Variants in RNF13 observed in about 807,000 individuals in gnomAD.
RNF13 encodes E3 ubiquitin-protein ligase RNF13.
RNF13 carries 19 observed loss-of-function variants against 37.7 expected under a neutral mutation model. That is an observed-to-expected ratio of 0.50 (90% CI 0.35 to 0.74). RNF13 has a LOEUF of 0.74. RNF13 is among the 30% of genes least tolerant of loss of function. RNF13 has a pLI of 0.01. For synonymous variants in RNF13, 144 were observed against 157.8 expected (o/e 0.91, Z 0.65); for missense variants, 375 against 453.0 (o/e 0.83, Z 1.56).
Position 149,835,734 on chromosome 3 carries a change from G to C in RNF13, c.-16-10277G>C, listed in dbSNP as rs978349410. Among the ~76,000 whole-genome samples the C allele has an allele frequency of 1.1e-4, 17 of 151,288 alleles. 1 individual carries two copies. Among genetic ancestry groups the C allele is most frequent in the African/African-American group, 4.1e-4 (17 of 41,082 alleles). On this transcript the variant is annotated intron_variant, in intron 1 of 9. Coordinates refer to ENST00000392894, the MANE Select transcript of RNF13 (RefSeq NM_183381.3). ...CCAGTAGTTGATTGATGGGCATTTG[G>C]GCTGGTTCCATATTTTTGCAATTGT...
chr3:149,861,001 GA>G (rs1724197175), intron 3 of RNF13, among the ~76,000 whole-genome samples: 1 of 151,866 alleles, frequency 6.6e-6, no homozygotes, highest in South Asian at 2.1e-4. Context: ...ACGGGCATAT[GA>G]AAAAAATGTT....
intron 1 of RNF13, among the ~76,000 whole-genome samples, chr3:149,832,042 T>A (rs921630985): frequency 3.3e-5 from 5 of 152,196 alleles, no homozygotes; most frequent in African/African-American, 4.8e-5. Context: ...TGTTCGCTGA[T>A]TTTTTTCTGT....
At position 149,961,241 on chromosome 3, in the gene RNF13, C is replaced by T. The variant is rs1355439192; in HGVS notation, c.*137C>T. 2.1e-5 allele frequency: 16 copies of T among 774,038 alleles called. No homozygotes were observed. The East Asian group carries it at 4.2e-4, about 20-fold the overall frequency. 47.9% of individuals were successfully genotyped at this position (774,038 alleles called of 1,614,324 possible). On this transcript the variant is annotated 3_prime_UTR_variant, in exon 10 of 10. Transcript: ENST00000392894. ...CTACAGTTTAATCAAATTACTGAAA[C>T]AGGACTTTTGATCTGGTATTTATCT... is the stretch of plus-strand genomic sequence containing the variant.
chr3:149,818,879 C>T (rs1185020856), intron 1 of RNF13, among the ~76,000 whole-genome samples: 1 of 151,938 alleles, frequency 6.6e-6, no homozygotes, highest in African/African-American at 2.4e-5. Context: ...GCACTGTACT[C>T]CAGCCTGGGT....
In RNF13 at chr3:149,892,594, C is replaced by T. The variant is rs370659330; in HGVS notation, c.322-2879C>T. Among the ~76,000 whole-genome samples, 231 of 152,304 alleles carry T rather than the reference C, an allele frequency of 1.5e-3. 1 individual carries two copies. Among genetic ancestry groups the T allele is most frequent in the African/African-American group, 5.2e-3 (216 of 41,566 alleles). ...AGGAGGTGAGCGGTGGGCCGGCAAG[C>T]ATTACTGCCTGAGCTCTGCCTCCTG... is the stretch of plus-strand genomic sequence containing the variant. On this transcript the variant is annotated intron_variant, in intron 4 of 9. Transcript: ENST00000392894.
chr3:149,820,629 G>T (rs2108312839), intron 1 of RNF13, among the ~76,000 whole-genome samples: 1 of 152,240 alleles, frequency 6.6e-6, no homozygotes, highest in East Asian at 1.9e-4. Flanking sequence ...GATTATAAAT[G>T]TTAATTGCTT....
At chr3:149,834,178 G>GT (rs1721354159) in intron 1 of RNF13, among the ~76,000 whole-genome samples, 1 of 152,202 alleles carries the variant, frequency 6.6e-6, no homozygotes, top group African/African-American at 2.4e-5. Context: ...TAAGATGTCA[G>GT]TACTACCCAA....
In RNF13 at chr3:149,961,237, G is replaced by GAAAC. The variant is rs1311867020; in HGVS notation, c.*135_*138dup. The GAAAC allele has an allele frequency of 1.3e-6, 1 of 785,950 alleles. No homozygotes were observed. Among genetic ancestry groups the GAAAC allele is most frequent in the African/African-American group, 1.8e-5 (1 of 56,872 alleles). 48.7% of individuals were successfully genotyped at this position (785,950 alleles called of 1,614,324 possible). ...TATTCTACAGTTTAATCAAATTACT[G>GAAAC]AAACAGGACTTTTGATCTGGTATTT... On this transcript the variant is annotated 3_prime_UTR_variant, in exon 10 of 10. Transcript: ENST00000392894.
At chr3:149,901,164 A>G (rs1002383434) in intron 5 of RNF13, among the ~76,000 whole-genome samples, 1 of 152,158 alleles carries the variant, frequency 6.6e-6, no homozygotes, top group African/African-American at 2.4e-5. Flanking sequence ...TTGGATGGGA[A>G]AGATTATGAT....
At chr3:149,814,882 A>AG (rs1220585936) in intron 1 of RNF13, among the ~76,000 whole-genome samples, 1 of 151,824 alleles carries the variant, frequency 6.6e-6, no homozygotes, top group East Asian at 1.9e-4. Flanking sequence ...AAACTGTTGG[A>AG]GAGAGGCACA....
chr3:149,907,835 A>G (rs577024563), intron 6 of RNF13, among the ~76,000 whole-genome samples: 1 of 152,354 alleles, frequency 6.6e-6, no homozygotes, highest in Non-Finnish European at 1.5e-5. Context: ...ACCATATACT[A>G]TGTGCAATTG....
chr3:149,843,229 A>G (rs1722339065), intron 1 of RNF13, among the ~76,000 whole-genome samples: 1 of 152,202 alleles, frequency 6.6e-6, no homozygotes, highest in African/African-American at 2.4e-5. Context: ...GGACATGTGT[A>G]GATTATATAC....
intron 1 of RNF13, among the ~76,000 whole-genome samples, chr3:149,816,994 G>T (rs1719525828): frequency 1.3e-5 from 2 of 152,178 alleles, no homozygotes; most frequent in Non-Finnish European, 2.9e-5. Context: ...CAGAAATAAG[G>T]ATATTATCAT....
At chr3:149,850,952 G>A (rs1435525523) in intron 2 of RNF13, among the ~76,000 whole-genome samples, 1 of 152,150 alleles carries the variant, frequency 6.6e-6, no homozygotes, top group Non-Finnish European at 1.5e-5. Flanking sequence ...GGGAAATCAC[G>A]CTGAAGCAAT....
At chr3:149,879,747 C>T (rs1157191211) in intron 4 of RNF13, among the ~76,000 whole-genome samples, 2 of 152,050 alleles carry the variant, frequency 1.3e-5, no homozygotes, top group African/African-American at 4.8e-5. Flanking sequence ...TTAAGTATAC[C>T]ATAAAGTGAC....
intron 8 of RNF13, among the ~76,000 whole-genome samples, chr3:149,933,585 C>CTTT (rs36076578): frequency 1.5e-5 from 2 of 134,686 alleles, no homozygotes; most frequent in South Asian, 2.4e-4. Context: ...TTTCTTTCTT[C>CTTT]TTTTTTTTTT....
chr3:149,939,527 G>C, intron 8 of RNF13: 1 of 583,460 alleles, frequency 1.7e-6, no homozygotes, highest in African/African-American at 1.8e-5. Flanking sequence ...GTTATTTCAA[G>C]GCCCCCAGAA....
intron 1 of RNF13, among the ~76,000 whole-genome samples, chr3:149,843,735 A>G (rs1292761705): frequency 6.6e-6 from 1 of 152,222 alleles, no homozygotes; most frequent in Non-Finnish European, 1.5e-5. Context: ...GGGGTTTAGA[A>G]TGTGGACTTT....
rs187759494 is a variant in RNF13, at chr3:149,853,248, G to T, written c.195+652G>T. On this transcript the variant is annotated intron_variant, in intron 3 of 9. Coordinates refer to ENST00000392894, the MANE Select transcript of RNF13 (RefSeq NM_183381.3). The stretch of plus-strand genomic sequence containing the variant: ...TTTCCAAATGTAGAATTGCTTTGTG[G>T]CATGAATGTTTAAAGTTTTGTTCTG... Among the ~76,000 whole-genome samples, 182 of 152,038 alleles carry T rather than the reference G, an allele frequency of 1.2e-3. 1 individual carries two copies. The highest frequency in any genetic ancestry group is 1.1e-3 in the Non-Finnish European group (72 of 67,950).
Sources: gnomAD v4.1 joint callset for allele counts (sites outside exome capture counted in the v4.1 genomes callset) on GRCh38, gnomAD v4.1.1 for gene constraint, MANE v1.5 for transcripts, NCBI Gene and HGNC (gene_info 2026-07-23, HGNC 2026-07-21) for gene names.